CPSF6: variants seen among roughly 807,000 people sequenced by gnomAD.
CPSF6 encodes cleavage and polyadenylation specific factor 6, also known as cleavage and polyadenylation specificity factor subunit 6.
CPSF6 carries 10 observed loss-of-function variants against 56.7 expected under a neutral mutation model. The ratio of observed to expected loss-of-function variants is 0.18; its 90% confidence interval spans 0.11 to 0.30. The LOEUF (loss-of-function observed/expected upper bound fraction) is 0.30, where lower values mean the gene tolerates loss of function less well. CPSF6 is among the 10% of genes least tolerant of loss of function. The probability of loss-of-function intolerance (pLI) is 1.00; values close to 1 mark genes in which losing one functional copy is unlikely to be tolerated. For synonymous variants in CPSF6, 248 were observed against 244.8 expected (o/e 1.01, Z -0.12); for missense variants, 419 against 722.9 (o/e 0.58, Z 4.82).
chr12:69,253,715 A>G (rs1030007989), intron 3 of CPSF6, among the ~76,000 whole-genome samples: 2 of 152,188 alleles, frequency 1.3e-5, no homozygotes, highest in Non-Finnish European at 2.9e-5. Flanking sequence ...ATTATAATTC[A>G]TGTGTTTTAT....
intron 8 of CPSF6, among the ~76,000 whole-genome samples, chr12:69,260,871 C>A (rs868000373): frequency 6.6e-6 from 1 of 152,112 alleles, no homozygotes. Context: ...GCTTGGCCTC[C>A]CAAAGTGTTG....
chr12:69,253,332 C>G (rs1474478145), intron 3 of CPSF6, among the ~76,000 whole-genome samples, 178 bp downstream of exon 3: 1 of 151,806 alleles, frequency 6.6e-6, no homozygotes, highest in Admixed American at 6.6e-5. Context: ...TTTTACGTAC[C>G]CTATTACCTA....
chr12:69,264,795 T>C (rs776413416), intron 9 of CPSF6, among the ~76,000 whole-genome samples: 30 of 152,130 alleles, frequency 2.0e-4, no homozygotes, highest in Non-Finnish European at 4.4e-4. Context: ...AAGTAAATCT[T>C]TAAAACAAAA....
At position 69,270,889 on chromosome 12, in the gene CPSF6, A is replaced by G. The variant is rs1169798302; in HGVS notation, c.*1381A>G. The G allele has an allele frequency of 1.3e-5, 2 of 151,738 alleles. No individual in the cohort carries two copies. Among genetic ancestry groups the G allele is most frequent in the African/African-American group, 2.4e-5 (1 of 41,390 alleles). 9.4% of individuals were successfully genotyped at this position (151,738 alleles called of 1,614,324 possible). ...TGACTTAAAATTCTTGAGCACGTTA[A>G]TATGTTTTTAAGATCTGATTATCTT... On this transcript the variant is annotated 3_prime_UTR_variant, in exon 10 of 10. Transcript: ENST00000435070.
At position 69,256,356 on chromosome 12, in the gene CPSF6, C is replaced by T. The variant is rs147404162; in HGVS notation, c.375-341C>T. Among the ~76,000 whole-genome samples, 5 of 152,282 alleles carry T rather than the reference C, an allele frequency of 3.3e-5. No individual in the cohort carries two copies. In the East Asian group the frequency reaches 9.7e-4, roughly 29 times the overall value. The stretch of plus-strand genomic sequence containing the variant: ...CCACTGAATTATATATTTTGAATGA[C>T]TGAATTCTATGGTATGTTATACAAG... On this transcript the variant is annotated intron_variant, in intron 3 of 9. Coordinates refer to ENST00000435070, the MANE Select transcript of CPSF6 (RefSeq NM_007007.3).
chr12:69,249,319 A>G (rs1257847061), intron 1 of CPSF6, among the ~76,000 whole-genome samples: 1 of 152,008 alleles, frequency 6.6e-6, no homozygotes, highest in Non-Finnish European at 1.5e-5. Flanking sequence ...CAAAATAAAT[A>G]AAAGATCTTA....
chr12:69,263,295 G>A (rs778951999), intron 9 of CPSF6, among the ~76,000 whole-genome samples: 3 of 151,828 alleles, frequency 2.0e-5, no homozygotes, highest in African/African-American at 7.2e-5. Context: ...TTTCTTTGAT[G>A]TTTCATTCAT....
chr12:69,260,033 T>C lies in CPSF6; in HGVS notation c.1316-11T>C. ...TTTGTTTGACTTCAAACCCTTTCCT[T>C]TCCCTCACAGGTGATTATGGGAGTG... On this transcript the variant is annotated splice_polypyrimidine_tract_variant and intron_variant, in intron 7 of 9. Transcript: ENST00000435070. 1.2e-6 allele frequency: 2 copies of C among 1,609,812 alleles called. No individual in the cohort carries two copies. The highest frequency in any genetic ancestry group is 1.7e-6 in the Non-Finnish European group (2 of 1,178,974).
chr12:69,245,096 TAAAAA>T (rs11317829), intron 1 of CPSF6, among the ~76,000 whole-genome samples: 4 of 138,042 alleles, frequency 2.9e-5, no homozygotes, highest in African/African-American at 1.1e-4. Context: ...CGTCTCTATT[TAAAAA>T]AAAAAAAAAA....
Position 69,251,129 on chromosome 12 carries a change from G to C in CPSF6, c.61G>C (p.Glu21Gln). The change falls in exon 2 of 10, where the codon GAA becomes CAA. Residue 21 changes from glutamate to glutamine, a missense_variant and splice_region_variant. Glu to Gln is a conservative substitution (Grantham distance 29, BLOSUM62 2). This residue lies in a region of CPSF6 where 125 missense variants were observed against 216.4 expected (regional missense o/e 0.58). Coordinates refer to ENST00000435070, the MANE Select transcript of CPSF6 (RefSeq NM_007007.3). ...CTAGAGCATTATTTCTGTATCTCAG[G>C]AAGCTGAATATGGTGGGCATGATCA... ...YADVGEEFNQ[E>Q]AEYGGHDQID... 6.2e-7 allele frequency: 1 copy of C among 1,606,382 alleles called. No homozygotes were observed. The highest frequency in any genetic ancestry group is 8.5e-7 in the Non-Finnish European group (1 of 1,174,508).
Position 69,239,632 on chromosome 12 carries a change from C to A in CPSF6, c.-15C>A. On this transcript the variant is annotated 5_prime_UTR_variant, in exon 1 of 10. Transcript: ENST00000435070. ...AGGAGGCGGCGGCGGCGGCGGCGGC[C>A]GAGGCTGAAGGAAGATGGCGGACGG... is the stretch of plus-strand genomic sequence containing the variant. The A allele has an allele frequency of 1.9e-6, 3 of 1,565,504 alleles. No individual in the cohort carries two copies. The South Asian group carries it at 3.5e-5, about 18-fold the overall frequency.
intron 1 of CPSF6, among the ~76,000 whole-genome samples, chr12:69,249,262 C>A (rs1181946059): frequency 1.4e-5 from 2 of 145,922 alleles, no homozygotes; most frequent in African/African-American, 2.6e-5. Flanking sequence ...CAGAGCAAGA[C>A]TCCGTCTCAA....
chr12:69,251,291 A>G lies in CPSF6; in HGVS notation c.223A>G (p.Thr75Ala). ...GKGAAPNVVY[T>A]YTGKRIALYI... ...AGGAGCAGCACCAAATGTTGTCTAT[A>G]CATATACTGGAAAGAGAATTGCATT... Residue 75 changes from threonine (T) to alanine (A), a missense_variant, in exon 2 of 10, where the codon ACA (threonine) becomes GCA (alanine). Physicochemically the swap from Thr to Ala is moderately conservative, Grantham distance 58. This residue lies in a region of CPSF6 where 125 missense variants were observed against 216.4 expected (regional missense o/e 0.58). Transcript: ENST00000435070. 4 of 1,596,808 alleles carry G rather than the reference A, an allele frequency of 2.5e-6. No individual in the cohort carries two copies. The highest frequency in any genetic ancestry group is 3.4e-6 in the Non-Finnish European group (4 of 1,165,590).
At chr12:69,252,942 A>T in intron 2 of CPSF6, 109 bp from the exon 3 acceptor site, 1 of 641,292 alleles carries the variant, frequency 1.6e-6, no homozygotes, top group South Asian at 2.3e-5. Context: ...ATTTGCACTC[A>T]GCATTTATTT....
chr12:69,242,435 A>G (rs758434514), intron 1 of CPSF6, among the ~76,000 whole-genome samples: 4 of 152,250 alleles, frequency 2.6e-5, no homozygotes, highest in Admixed American at 6.5e-5. Context: ...GAGGCATTCA[A>G]CAGTCTTAGC....
intron 3 of CPSF6, among the ~76,000 whole-genome samples, chr12:69,253,718 T>A (rs1456542691): frequency 6.6e-6 from 1 of 152,182 alleles, no homozygotes; most frequent in Non-Finnish European, 1.5e-5. Context: ...ATAATTCATG[T>A]GTTTTATATG....
At chr12:69,250,458 T>C (rs1872175153) in intron 1 of CPSF6, among the ~76,000 whole-genome samples, 1 of 151,682 alleles carries the variant, frequency 6.6e-6, no homozygotes. Flanking sequence ...AAAAGTAGGT[T>C]TCGTTATATA....
intron 1 of CPSF6, among the ~76,000 whole-genome samples, chr12:69,249,168 G>GGGGGGGGC (rs1565644117): frequency 1.2e-4 from 4 of 33,910 alleles, no homozygotes; most frequent in Non-Finnish European, 1.3e-4. Flanking sequence ...GGGGGGGGGG[G>GGGGGGGGC]GCTGAGGCAG....
chr12:69,248,663 C>G (rs1565643744), intron 1 of CPSF6, among the ~76,000 whole-genome samples: 2 of 152,136 alleles, frequency 1.3e-5, no homozygotes, highest in African/African-American at 4.8e-5. Flanking sequence ...GCTGTACAAA[C>G]AGAATAAAAT....
Sources: gnomAD v4.1 joint callset for allele counts (sites outside exome capture counted in the v4.1 genomes callset) on GRCh38, gnomAD v4.1.1 for gene constraint, gnomAD v4.1.1 regional missense constraint, MANE v1.5 for transcripts, NCBI Gene and HGNC (gene_info 2026-07-23, HGNC 2026-07-21) for gene names.